The following WDR70 variants were observed in gnomAD, a reference collection of about 807,000 sequenced individuals.
The protein encoded by WDR70 is WD repeat domain 70, also known as WD repeat-containing protein 70.
In WDR70, 53 loss-of-function variants were observed where a neutral mutation model predicts 88.6. The observed-to-expected ratio is 0.60, with a 90% CI of 0.48 to 0.75. The LOEUF is 0.75. WDR70 is among the 30% of genes least tolerant of loss of function. The pLI is 0.00. For synonymous variants in WDR70, 280 were observed against 270.0 expected (o/e 1.04, Z -0.36); for missense variants, 610 against 823.2 (o/e 0.74, Z 3.17).
At chr5:37,668,284 T>C (rs191321247) in intron 10 of WDR70, among the ~76,000 whole-genome samples, 1 of 152,310 alleles carries the variant, frequency 6.6e-6, no homozygotes. Flanking sequence ...AACAGTAAAA[T>C]ATACCAGATA....
At chr5:37,406,639 A>G (rs998477105) in intron 5 of WDR70, among the ~76,000 whole-genome samples, 13 of 152,350 alleles carry the variant, frequency 8.5e-5, no homozygotes, top group East Asian at 1.9e-4. Context: ...TTAGAATAGT[A>G]TCTGGTATTT....
chr5:37,390,040 C>T (rs1303440965), intron 3 of WDR70, among the ~76,000 whole-genome samples: 1 of 151,822 alleles, frequency 6.6e-6, no homozygotes, highest in Non-Finnish European at 1.5e-5. Context: ...TATTGTATTT[C>T]ATTATTAAGT....
chr5:37,414,276 A>T (rs1163704732), intron 5 of WDR70, among the ~76,000 whole-genome samples: 2 of 150,600 alleles, frequency 1.3e-5, no homozygotes, highest in Non-Finnish European at 3.0e-5. Flanking sequence ...ATCCCCTTCT[A>T]CCCCCTGGCT....
chr5:37,508,063 A>C (rs1192478520), intron 8 of WDR70, among the ~76,000 whole-genome samples: 3 of 152,138 alleles, frequency 2.0e-5, no homozygotes, highest in Non-Finnish European at 4.4e-5. Context: ...TGACATTTAG[A>C]GAAAATATTT....
intron 7 of WDR70, among the ~76,000 whole-genome samples, chr5:37,462,447 C>T (rs1201613304): frequency 6.6e-6 from 1 of 152,096 alleles, no homozygotes; most frequent in Non-Finnish European, 1.5e-5. Context: ...GGACTACAGG[C>T]GCCTGCCATG....
intron 5 of WDR70, among the ~76,000 whole-genome samples, chr5:37,397,040 G>T (rs1468285614): frequency 6.6e-6 from 1 of 152,146 alleles, no homozygotes; most frequent in Non-Finnish European, 1.5e-5. Context: ...TACTCAGGAG[G>T]CTGAGGTGGG....
chr5:37,607,306 C>CTT (rs1744060299), intron 10 of WDR70, among the ~76,000 whole-genome samples: 1 of 151,912 alleles, frequency 6.6e-6, no homozygotes, highest in Admixed American at 6.6e-5. Flanking sequence ...CAGGGAAACA[C>CTT]TAAAGCTGAA....
intron 9 of WDR70, among the ~76,000 whole-genome samples, chr5:37,571,993 A>G (rs749236794): frequency 1.3e-5 from 2 of 152,184 alleles, no homozygotes; most frequent in Non-Finnish European, 2.9e-5. Flanking sequence ...ACCTGCTGCA[A>G]TAAGTAAGGA....
At chr5:37,605,635 C>T (rs1439511680) in intron 10 of WDR70, among the ~76,000 whole-genome samples, 1 of 151,968 alleles carries the variant, frequency 6.6e-6, no homozygotes, top group African/African-American at 2.4e-5. Context: ...CATGAAAAGT[C>T]CAAGATGAGC....
intron 5 of WDR70, among the ~76,000 whole-genome samples, chr5:37,428,580 C>T (rs1750207316): frequency 6.6e-6 from 1 of 152,102 alleles, no homozygotes; most frequent in Non-Finnish European, 1.5e-5. Context: ...TGAGACTTGC[C>T]CATCTTGTCT....
intron 9 of WDR70, among the ~76,000 whole-genome samples, chr5:37,543,133 T>C (rs1327765492): frequency 3.3e-5 from 5 of 152,144 alleles, no homozygotes; most frequent in Non-Finnish European, 7.4e-5. Flanking sequence ...TAGACCATCT[T>C]ATATCCCGCC....
chr5:37,659,716 C>T (rs1745652923), intron 10 of WDR70, among the ~76,000 whole-genome samples: 1 of 152,136 alleles, frequency 6.6e-6, no homozygotes, highest in African/African-American at 2.4e-5. Flanking sequence ...CAGAGGGCTT[C>T]CTGTCTGCAT....
At chr5:37,448,403 T>C (rs1363092469) in intron 7 of WDR70, among the ~76,000 whole-genome samples, 1 of 152,186 alleles carries the variant, frequency 6.6e-6, no homozygotes, top group Non-Finnish European at 1.5e-5. Context: ...ATCTGGTTGC[T>C]AGGCATGCTC....
intron 9 of WDR70, among the ~76,000 whole-genome samples, chr5:37,551,309 C>A (rs539988203): frequency 8.0e-5 from 12 of 150,098 alleles, no homozygotes; most frequent in South Asian, 2.1e-4. Flanking sequence ...TTGTTCCCCC[C>A]CTCCGCAAAA....
intron 17 of WDR70, among the ~76,000 whole-genome samples, chr5:37,737,299 AG>A (rs1431041820): frequency 6.6e-6 from 1 of 152,216 alleles, no homozygotes; most frequent in Non-Finnish European, 1.5e-5. Context: ...CCACAGAGGT[AG>A]CAGGTGGCAA....
At chr5:37,689,931 T>C (rs190155700) in intron 10 of WDR70, among the ~76,000 whole-genome samples, 2 of 152,292 alleles carry the variant, frequency 1.3e-5, no homozygotes, top group Non-Finnish European at 2.9e-5. Context: ...AGGAACATGT[T>C]TGAACCCATC....
intron 10 of WDR70, among the ~76,000 whole-genome samples, chr5:37,666,012 C>T (rs1188387817): frequency 6.6e-6 from 1 of 152,150 alleles, no homozygotes; most frequent in Non-Finnish European, 1.5e-5. Context: ...TGCCCAGCTG[C>T]CCGGGAAGCT....
chr5:37,655,821 C>G (rs1019504117), intron 10 of WDR70, among the ~76,000 whole-genome samples: 5 of 151,878 alleles, frequency 3.3e-5, no homozygotes, highest in Non-Finnish European at 5.9e-5. Flanking sequence ...ACTAGTTATT[C>G]TTGTTAGCAA....
intron 9 of WDR70, among the ~76,000 whole-genome samples, chr5:37,554,555 C>T (rs1222884462): frequency 6.6e-6 from 1 of 151,978 alleles, no homozygotes; most frequent in Admixed American, 6.6e-5. Context: ...ATCCCAGAAG[C>T]CTTAAAGTGG....
Sources: allele counts gnomAD v4.1 joint callset (sites outside exome capture counted in the v4.1 genomes callset), GRCh38; gene constraint gnomAD v4.1.1; transcripts MANE v1.5; gene names NCBI Gene and HGNC (gene_info 2026-07-23, HGNC 2026-07-21).